The following CSMD1 variants were observed in gnomAD, a reference collection of about 807,000 sequenced individuals.
CSMD1 encodes the protein CUB and sushi domain-containing protein 1.
In CSMD1, 213 loss-of-function variants were observed where a neutral mutation model predicts 417.5. The observed-to-expected ratio is 0.51, with a 90% CI of 0.46 to 0.57. The LOEUF is 0.57. Ranked by LOEUF, CSMD1 falls within the 20% of genes least tolerant of loss-of-function variation. CSMD1 has a pLI of 0.00. For synonymous variants in CSMD1, 2,862 were observed against 1,736.8 expected, an observed-to-expected ratio of 1.65 and a Z score of -16.11; for missense variants, 6,923 against 4,529.7, an observed-to-expected ratio of 1.53 and a Z score of -15.17.
chr8:3,759,018 A>G (rs1797837650), intron 5 of CSMD1, among the ~76,000 whole-genome samples: 2 of 152,214 alleles, frequency 1.3e-5, no homozygotes, highest in African/African-American at 4.8e-5. Context: ...TGGAAACGCA[A>G]ACAAACGCCT....
chr8:3,612,638 T>C (rs1801949191), intron 8 of CSMD1, among the ~76,000 whole-genome samples: 1 of 152,154 alleles, frequency 6.6e-6, no homozygotes, highest in African/African-American at 2.4e-5. Flanking sequence ...TAGAAAATGT[T>C]CAGTATATGG....
At chr8:4,394,920 C>T (rs1030658953) in intron 3 of CSMD1, among the ~76,000 whole-genome samples, 2 of 152,156 alleles carry the variant, frequency 1.3e-5, no homozygotes, top group South Asian at 2.1e-4. Context: ...ACAGCAGGTG[C>T]ACTGAATCTC....
At chr8:4,565,120 T>G (rs1585256666) in intron 2 of CSMD1, among the ~76,000 whole-genome samples, 1 of 152,308 alleles carries the variant, frequency 6.6e-6, no homozygotes, top group Admixed American at 6.5e-5. Flanking sequence ...TCACTTTTAT[T>G]AGAAGTACAG....
Position 4,419,993 on chromosome 8 carries a change from G to A in CSMD1, c.375C>T (p.Asp125=), listed in dbSNP as rs751891347. 27 of 1,589,472 alleles carry A rather than the reference G, an allele frequency of 1.7e-5. No homozygotes were observed. The highest frequency in any genetic ancestry group is 2.1e-5 in the Non-Finnish European group (25 of 1,167,002). The change falls in exon 3 of 70, where the codon GAC becomes GAT. Residue 125 remains aspartate, a synonymous_variant. Transcript: ENST00000635120. ...GSILTLWFTT[D]FAVSAQGFKA... ...TGAAACCTTGGGCACTCACAGCGAA[G>A]TCTGTCGTGAACCACAGAGTGAGGA... is the stretch of plus-strand genomic sequence containing the variant.
At chr8:3,246,251 C>G (rs79745396) in intron 26 of CSMD1, among the ~76,000 whole-genome samples, 1 of 152,142 alleles carries the variant, frequency 6.6e-6, no homozygotes, top group Non-Finnish European at 1.5e-5. Flanking sequence ...ACACCAGCCC[C>G]TCATTCTTCC....
intron 3 of CSMD1, among the ~76,000 whole-genome samples, chr8:4,251,457 A>G (rs1224755577): frequency 2.0e-5 from 3 of 152,186 alleles, no homozygotes; most frequent in Non-Finnish European, 4.4e-5. Flanking sequence ...TAAGGCCCCT[A>G]CACCATGCAG....
At chr8:4,867,479 A>T (rs1307852373) in intron 1 of CSMD1, among the ~76,000 whole-genome samples, 5 of 152,130 alleles carry the variant, frequency 3.3e-5, no homozygotes, top group Non-Finnish European at 7.4e-5. Context: ...CAATTATCTG[A>T]GGCCAACACT....
chr8:4,111,749 A>G (rs1262101917), intron 3 of CSMD1, among the ~76,000 whole-genome samples: 5 of 152,152 alleles, frequency 3.3e-5, no homozygotes, highest in Admixed American at 6.5e-5. Context: ...GAGGGCAACA[A>G]CACACACTGG....
At chr8:3,892,332 C>T (rs556292690) in intron 5 of CSMD1, among the ~76,000 whole-genome samples, 1 of 152,066 alleles carries the variant, frequency 6.6e-6, no homozygotes, top group Non-Finnish European at 1.5e-5. Context: ...TGTCTTCAGC[C>T]TATGTCTTCA....
intron 3 of CSMD1, among the ~76,000 whole-genome samples, chr8:4,356,329 T>TACACACACACACACACACACACAC (rs3990908): frequency 1.3e-5 from 2 of 150,860 alleles, no homozygotes; most frequent in African/African-American, 4.9e-5. Flanking sequence ...TCATATGTAA[T>TACACACACACACACACACACACAC]ACACACACAC....
At chr8:3,269,168 G>C (rs1801655201) in intron 26 of CSMD1, among the ~76,000 whole-genome samples, 1 of 152,250 alleles carries the variant, frequency 6.6e-6, no homozygotes, top group Non-Finnish European at 1.5e-5. Flanking sequence ...CTTCGTATCT[G>C]TGTCATGGAC....
intron 2 of CSMD1, among the ~76,000 whole-genome samples, chr8:4,456,737 C>G (rs533500621): frequency 6.6e-6 from 1 of 152,116 alleles, no homozygotes; most frequent in Non-Finnish European, 1.5e-5. Context: ...TCAGTCCTTA[C>G]TGTCTAGTTG....
chr8:4,104,245 A>G (rs1160937911), intron 3 of CSMD1, among the ~76,000 whole-genome samples: 1 of 152,242 alleles, frequency 6.6e-6, no homozygotes, highest in Non-Finnish European at 1.5e-5. Context: ...AGAGACATAG[A>G]TACATAATGA....
chr8:3,354,889 G>GATA (rs1563303932), intron 21 of CSMD1, among the ~76,000 whole-genome samples: 2 of 140,924 alleles, frequency 1.4e-5, no homozygotes, highest in Admixed American at 7.0e-5. Flanking sequence ...CTATAGATAT[G>GATA]TCTATCTATA....
At chr8:4,537,486 A>G (rs1369403869) in intron 2 of CSMD1, among the ~76,000 whole-genome samples, 2 of 152,216 alleles carry the variant, frequency 1.3e-5, no homozygotes, top group Non-Finnish European at 2.9e-5. Flanking sequence ...ATAGTCATAT[A>G]TTCCAGAATT....
intron 2 of CSMD1, among the ~76,000 whole-genome samples, chr8:4,435,965 C>G (rs917737025): frequency 6.6e-6 from 1 of 152,162 alleles, no homozygotes; most frequent in Admixed American, 6.5e-5. Flanking sequence ...TACATCCACA[C>G]ATCACCATCT....
intron 1 of CSMD1, among the ~76,000 whole-genome samples, chr8:4,693,299 T>C (rs1006092475): frequency 6.6e-6 from 1 of 152,196 alleles, no homozygotes; most frequent in African/African-American, 2.4e-5. Flanking sequence ...GAAGAAGGAA[T>C]AGCAAAAACA....
chr8:3,601,581 C>G (rs1801363009), intron 8 of CSMD1, among the ~76,000 whole-genome samples: 1 of 152,162 alleles, frequency 6.6e-6, no homozygotes, highest in African/African-American at 2.4e-5. Context: ...ACACTAGTCA[C>G]CACAATCTAC....
intron 1 of CSMD1, among the ~76,000 whole-genome samples, chr8:4,743,190 A>G (rs982939081): frequency 6.6e-6 from 1 of 152,230 alleles, no homozygotes; most frequent in African/African-American, 2.4e-5. Context: ...TTTCAAGAAA[A>G]ATAGCCAAAC....
Sources: gnomAD v4.1 joint callset for allele counts (sites outside exome capture counted in the v4.1 genomes callset) on GRCh38, gnomAD v4.1.1 for gene constraint, MANE v1.5 for transcripts, NCBI Gene and HGNC (gene_info 2026-07-23, HGNC 2026-07-21) for gene names.